Variants in DENND4C observed in about 807,000 individuals in gnomAD.
DENND4C encodes DENN domain containing 4C.
A neutral mutation model predicts 203.0 loss-of-function variants in DENND4C; 108 were observed. The ratio of observed to expected loss-of-function variants is 0.53; its 90% CI spans 0.46 to 0.62. The LOEUF (loss-of-function observed/expected upper bound fraction) is 0.62, where lower values mean the gene tolerates loss of function less well. Ranked by LOEUF, DENND4C falls within the 20% of genes least tolerant of loss-of-function variation. DENND4C has a pLI of 0.00. For missense variants in DENND4C, 2,481 were observed against 2,301.2 expected, an observed-to-expected ratio of 1.08 and a Z score of -1.60; for synonymous variants, 871 against 792.4, an observed-to-expected ratio of 1.10 and a Z score of -1.67.
At chr9:19,311,037 TG>T (rs1466718303) in intron 10 of DENND4C, among the ~76,000 whole-genome samples, 2 of 152,240 alleles carry the variant, frequency 1.3e-5, no homozygotes, top group African/African-American at 2.4e-5. Context: ...CTTTTATTTT[TG>T]TAGACTTTAA....
chr9:19,356,748 AG>A (rs1825490255), intron 26 of DENND4C, among the ~76,000 whole-genome samples: 1 of 148,498 alleles, frequency 6.7e-6, no homozygotes, highest in African/African-American at 2.5e-5. Flanking sequence ...TTAGGATAGG[AG>A]GGGAAGAGAA....
At chr9:19,288,325 C>A (rs548393087) in intron 3 of DENND4C, among the ~76,000 whole-genome samples, 2 of 152,188 alleles carry the variant, frequency 1.3e-5, no homozygotes, top group African/African-American at 4.8e-5. Context: ...CTGTGTCTTA[C>A]AAGAAGGGGC....
At chr9:19,239,291 C>T (rs1309180850) in intron 1 of DENND4C, among the ~76,000 whole-genome samples, 1 of 152,008 alleles carries the variant, frequency 6.6e-6, no homozygotes, top group African/African-American at 2.4e-5. Context: ...TTGATTTCTT[C>T]TTTTCATTCA....
Position 19,298,045 on chromosome 9 carries a change from T to A in DENND4C, c.1041-11T>A, listed in dbSNP as rs545486264. ...GTAATTATTATATTTATTTCAAATT[T>A]TTTTTTCTAGGCACATTTCACATTT... On this transcript the variant is annotated splice_polypyrimidine_tract_variant and intron_variant, in intron 6 of 32. Coordinates refer to ENST00000434457, the MANE Select transcript of DENND4C (RefSeq NM_001330640.2). 2 of 1,598,652 alleles carry A rather than the reference T, an allele frequency of 1.3e-6. No homozygotes were observed. The highest frequency in any genetic ancestry group is 2.7e-5 in the African/African-American group (2 of 74,484).
At chr9:19,288,973 C>G (rs1835744211) in intron 4 of DENND4C, among the ~76,000 whole-genome samples, 1 of 152,162 alleles carries the variant, frequency 6.6e-6, no homozygotes, top group African/African-American at 2.4e-5. Context: ...GTTGCTGACT[C>G]TCTGACCTTT....
intron 9 of DENND4C, among the ~76,000 whole-genome samples, chr9:19,302,693 T>C (rs1351992056): frequency 6.6e-6 from 1 of 152,226 alleles, no homozygotes; most frequent in Non-Finnish European, 1.5e-5. Flanking sequence ...TGTGAGTGGC[T>C]CTGCCCTTCA....
rs559099032 is a variant in DENND4C at position 19,332,692 on chromosome 9, T to G, written c.2460+508T>G. ...TGTTTATTTTTAAAGAGATGGAGTC[T>G]CACTCCTCTCTCGCCCAGGCTGGAG... On this transcript the variant is annotated intron_variant, in intron 17 of 32. Coordinates refer to ENST00000434457, the MANE Select transcript of DENND4C (RefSeq NM_001330640.2). Among the ~76,000 whole-genome samples the G allele has an allele frequency of 2.3e-3, 345 of 150,522 alleles. 3 individuals are homozygous for G. Among genetic ancestry groups the G allele is most frequent in the Middle Eastern group, 7.0e-3 (2 of 286 alleles).
At chr9:19,329,383 A>G (rs767090550) in intron 16 of DENND4C, among the ~76,000 whole-genome samples, 1 of 152,226 alleles carries the variant, frequency 6.6e-6, no homozygotes, top group African/African-American at 2.4e-5. Flanking sequence ...GTAGCAGCAT[A>G]TATCAGTAAT....
intron 17 of DENND4C, among the ~76,000 whole-genome samples, chr9:19,333,576 C>T (rs1819764156): frequency 6.6e-6 from 1 of 152,156 alleles, no homozygotes; most frequent in Non-Finnish European, 1.5e-5. Flanking sequence ...TAATAGTTAG[C>T]ACCTTCATCA....
At chr9:19,288,478 T>C (rs1835651640) in intron 3 of DENND4C, 118 bp from the exon 4 acceptor site, 1 of 508,828 alleles carries the variant, frequency 2.0e-6, no homozygotes, top group Non-Finnish European at 3.0e-6. Context: ...TAGTTCATTA[T>C]ATAAACGTTT....
intron 28 of DENND4C, among the ~76,000 whole-genome samples, chr9:19,359,471 T>G (rs1826021774): frequency 6.6e-6 from 1 of 151,902 alleles, no homozygotes; most frequent in Admixed American, 6.5e-5. Flanking sequence ...AGTTAGCTCA[T>G]TAGTCCTTTT....
rs927801928 is a variant in DENND4C, at chr9:19,331,981, A to T, written c.2257A>T (p.Ile753Leu). The change falls in exon 17 of 33, where the codon ATA becomes TTA. Residue 753 changes from isoleucine (I) to leucine (L), a missense_variant. Transcript: ENST00000434457. ...PLMAKRTKQE[I>L]KTAHKLAKRC... is the part of the protein sequence containing the mutation. ...TAATATTTTATTCTCTTTCTAGGAAATAAAAACAGCTCATAAATTGGCGAA... is the reference window on the plus strand; with the variant it reads ...TAATATTTTATTCTCTTTCTAGGAATTAAAAACAGCTCATAAATTGGCGAA... The T allele has an allele frequency of 1.1e-5, 17 of 1,612,834 alleles. No individual in the cohort carries two copies. The highest frequency in any genetic ancestry group is 1.4e-5 in the Non-Finnish European group (17 of 1,179,370).
chr9:19,322,414 A>G (rs1843026755), intron 12 of DENND4C, among the ~76,000 whole-genome samples: 1 of 152,176 alleles, frequency 6.6e-6, no homozygotes, highest in African/African-American at 2.4e-5. Flanking sequence ...ATAGCATGGA[A>G]TCAGTATTGG....
At chr9:19,231,381 T>TA (rs1820510772) in intron 1 of DENND4C, among the ~76,000 whole-genome samples, 1 of 152,054 alleles carries the variant, frequency 6.6e-6, no homozygotes, top group Non-Finnish European at 1.5e-5. Flanking sequence ...TTCTCTGTCT[T>TA]ACGGTGGCCG....
intron 1 of DENND4C, among the ~76,000 whole-genome samples, chr9:19,254,072 A>G (rs889679123): frequency 6.6e-6 from 1 of 152,208 alleles, no homozygotes; most frequent in African/African-American, 2.4e-5. Context: ...TTTCTTCAAA[A>G]GCTTTTGTTA....
At chr9:19,289,828 CAAA>C in intron 4 of DENND4C, among the ~76,000 whole-genome samples, 1 of 126,774 alleles carries the variant, frequency 7.9e-6, no homozygotes, top group East Asian at 2.3e-4. Context: ...GATCCTGTCT[CAAA>C]AAAAAAAAAA....
rs150702111 is a variant in DENND4C, at chr9:19,346,189, A to G, written c.3420A>G (p.Leu1140=). 1.6e-4 allele frequency: 260 copies of G among 1,614,194 alleles called. No homozygotes were observed. In the African/African-American group the frequency reaches 1.7e-3, roughly 10 times the overall value. ...CATTGACATGTCCTAAGACTTCTCT[A>G]CTTCATATTGCAAGAACCCATAGCT... ...TAALTCPKTS[L]LHIARTHSFE... is the part of the protein sequence containing the mutation. Residue 1140 remains leucine, a synonymous_variant, in exon 23 of 33, where the codon CTA becomes CTG. Coordinates refer to ENST00000434457, the MANE Select transcript of DENND4C (RefSeq NM_001330640.2).
chr9:19,357,458 T>C (rs914400422), intron 27 of DENND4C: 7 of 316,804 alleles, frequency 2.2e-5, no homozygotes, highest in African/African-American at 1.3e-4. Context: ...CTGTGAAATG[T>C]ACACTTGGCC....
rs1218030760 is a variant in DENND4C, at chr9:19,332,074, A to G, written c.2350A>G (p.Ile784Val). 6.2e-7 allele frequency: 1 copy of G among 1,614,018 alleles called. No individual in the cohort carries two copies. Among genetic ancestry groups the G allele is most frequent in the Non-Finnish European group, 8.5e-7 (1 of 1,179,976 alleles). The part of the protein sequence containing the change: ...LFSHCYSLWF[I>V]CLPAYVRVSH... ...TAGTCATTGTTACAGTTTATGGTTT[A>G]TTTGTCTTCCGGCCTATGTTAGAGT... Residue 784 changes from isoleucine (I) to valine (V), a missense_variant, in exon 17 of 33, where the codon ATT becomes GTT. By Grantham distance (29) the Ile-to-Val change is conservative. Coordinates refer to ENST00000434457, the MANE Select transcript of DENND4C (RefSeq NM_001330640.2).
Sources: gnomAD v4.1 joint callset for allele counts (sites outside exome capture counted in the v4.1 genomes callset) on GRCh38, gnomAD v4.1.1 for gene constraint, MANE v1.5 for transcripts, NCBI Gene and HGNC (gene_info 2026-07-23, HGNC 2026-07-21) for gene names.